The following INPP4B variants were observed in gnomAD, a reference collection of about 807,000 sequenced individuals.
INPP4B encodes inositol polyphosphate-4-phosphatase type II B, also known as inositol polyphosphate 4-phosphatase type II.
Under a neutral mutation model 122.5 loss-of-function variants are expected in INPP4B, and 55 were observed. The ratio of observed to expected loss-of-function variants is 0.45; its 90% confidence interval spans 0.36 to 0.56. The LOEUF (loss-of-function observed/expected upper bound fraction) is 0.56, where lower values mean the gene tolerates loss of function less well. INPP4B is among the 20% of genes least tolerant of loss of function. The probability of loss-of-function intolerance (pLI) is 0.00; values close to 1 mark genes in which losing one functional copy is unlikely to be tolerated. For synonymous variants in INPP4B, 403 were observed against 388.7 expected, an observed-to-expected ratio of 1.04 and a Z score of -0.43; for missense variants, 1,000 against 1,097.7, an observed-to-expected ratio of 0.91 and a Z score of 1.26.
intron 23 of INPP4B, among the ~76,000 whole-genome samples, chr4:142,098,167 GCCACTAAAAAGT>G (rs1561109357): frequency 6.6e-6 from 1 of 152,080 alleles, no homozygotes; most frequent in African/African-American, 2.4e-5. Flanking sequence ...AGGGCATAGA[GCCACTAAAAAGT>G]CCCAAGAAAC....
chr4:142,173,707 T>C lies in INPP4B; in HGVS notation c.1284A>G (p.Ala428=). The part of the protein sequence containing the change: ...NQLQPLIATH[A]DLLLNSASQH... ...GGCTTGCAGAATTAAGCAGTAGGTC[T>C]GCATGGGTTGCTATAAGAGGTTGTA... The change falls in exon 16 of 26, where the codon GCA becomes GCG. Residue 428 remains alanine, a synonymous_variant. Transcript: ENST00000262992. 1 of 1,613,372 alleles carries C rather than the reference T, an allele frequency of 6.2e-7. No individual in the cohort carries two copies. The highest frequency in any genetic ancestry group is 8.5e-7 in the Non-Finnish European group (1 of 1,179,504).
intron 12 of INPP4B, among the ~76,000 whole-genome samples, chr4:142,224,624 C>T (rs1246603371): frequency 3.9e-5 from 6 of 151,948 alleles, no homozygotes; most frequent in African/African-American, 1.4e-4. Flanking sequence ...TTTAAAGACT[C>T]TTATCGGCCA....
chr4:142,813,125 T>G (rs551400991), intron 1 of INPP4B, among the ~76,000 whole-genome samples: 1 of 152,294 alleles, frequency 6.6e-6, no homozygotes, highest in South Asian at 2.1e-4. Flanking sequence ...CTACATGAAC[T>G]CTTTCTAAAC....
intron 1 of INPP4B, among the ~76,000 whole-genome samples, chr4:142,751,739 A>T (rs767215876): frequency 2.8e-4 from 42 of 152,068 alleles, no homozygotes; most frequent in African/African-American, 9.9e-4. Context: ...CCAGTCAGTC[A>T]TCAGAGAACA....
rs139178409 is a variant in INPP4B at position 142,414,200 on chromosome 4, TA to T, written c.137-8877del. On this transcript the variant is annotated intron_variant, in intron 5 of 25. Transcript: ENST00000262992. ...AAATAAGCCCTGAAATAAAGTTTGT[TA>T]TTTTTTTTACCATCCTATAACACAA... Among the ~76,000 whole-genome samples, 822 of 152,302 alleles carry T rather than the reference TA, an allele frequency of 5.4e-3. 3 individuals are homozygous for T. Among genetic ancestry groups the T allele is most frequent in the African/African-American group, 0.019 (793 of 41,574 alleles).
At chr4:142,185,750 G>T (rs999980231) in intron 15 of INPP4B, among the ~76,000 whole-genome samples, 3 of 151,714 alleles carry the variant, frequency 2.0e-5, no homozygotes, top group African/African-American at 4.8e-5. Flanking sequence ...GTGGTGGCAG[G>T]TGCCTGTAGT....
chr4:142,125,999 A>T (rs903111722), intron 18 of INPP4B, among the ~76,000 whole-genome samples: 6 of 152,130 alleles, frequency 3.9e-5, no homozygotes, highest in African/African-American at 1.4e-4. Context: ...GAGGATGCAA[A>T]ATTGAGACCA....
At chr4:142,216,916 T>C (rs1218567572) in intron 12 of INPP4B, among the ~76,000 whole-genome samples, 2 of 152,168 alleles carry the variant, frequency 1.3e-5, no homozygotes, top group African/African-American at 2.4e-5. Flanking sequence ...GTGTAAAATA[T>C]TGGCCGGAAT....
At chr4:142,357,060 C>T (rs1026662016) in intron 7 of INPP4B, among the ~76,000 whole-genome samples, 3 of 151,952 alleles carry the variant, frequency 2.0e-5, no homozygotes, top group African/African-American at 7.2e-5. Context: ...CAGACCTTGC[C>T]CTATTTACCT....
At chr4:142,062,043 G>C (rs902818921) in intron 25 of INPP4B, among the ~76,000 whole-genome samples, 2 of 151,774 alleles carry the variant, frequency 1.3e-5, no homozygotes, top group Non-Finnish European at 1.5e-5. Context: ...AGTCTTGCAA[G>C]TATGCTAAAT....
At chr4:142,368,874 G>T (rs1322554977) in intron 7 of INPP4B, among the ~76,000 whole-genome samples, 1 of 152,014 alleles carries the variant, frequency 6.6e-6, no homozygotes, top group Non-Finnish European at 1.5e-5. Context: ...GGAAACACAG[G>T]ATTCCAAGTG....
At chr4:142,223,125 T>A (rs918611156) in intron 12 of INPP4B, among the ~76,000 whole-genome samples, 1 of 152,040 alleles carries the variant, frequency 6.6e-6, no homozygotes, top group Non-Finnish European at 1.5e-5. Flanking sequence ...GGCCATGTCA[T>A]ATAGCTATTA....
intron 2 of INPP4B, among the ~76,000 whole-genome samples, chr4:142,578,114 T>C (rs1458412919): frequency 6.6e-6 from 1 of 151,878 alleles, no homozygotes; most frequent in Non-Finnish European, 1.5e-5. Context: ...TCTGAGAAGT[T>C]TGTCTGCCAT....
chr4:142,612,624 G>A (rs972733128), intron 2 of INPP4B, among the ~76,000 whole-genome samples: 1 of 152,128 alleles, frequency 6.6e-6, no homozygotes, highest in African/African-American at 2.4e-5. Flanking sequence ...ATTTTTAAAA[G>A]TAATGGCAAA....
intron 15 of INPP4B, among the ~76,000 whole-genome samples, chr4:142,182,867 G>A (rs1831508212): frequency 6.6e-6 from 1 of 152,042 alleles, no homozygotes; most frequent in East Asian, 1.9e-4. Flanking sequence ...TTTCCCTCAT[G>A]CAACTATTAT....
rs979401152 is a variant in INPP4B, at chr4:142,026,760, C to T, written c.*2022G>A. The T allele has an allele frequency of 6.6e-6, 1 of 152,164 alleles. No homozygotes were observed. The highest frequency in any genetic ancestry group is 2.4e-5 in the African/African-American group (1 of 41,442). 9.4% of individuals were successfully genotyped at this position (152,164 alleles called of 1,614,324 possible). On this transcript the variant is annotated 3_prime_UTR_variant, in exon 26 of 26. Transcript: ENST00000262992. ...GGATTACAGGAAATCCTTGAAATGT[C>T]TTTTAAAAATAGAAAACCCTACTGC...
chr4:142,740,831 G>C (rs1047160344), intron 1 of INPP4B, among the ~76,000 whole-genome samples: 1 of 151,974 alleles, frequency 6.6e-6, no homozygotes, highest in East Asian at 1.9e-4. Flanking sequence ...GTTTTCTACA[G>C]TTTATAAGTC....
At chr4:142,483,365 C>T (rs1231712239) in intron 2 of INPP4B, among the ~76,000 whole-genome samples, 1 of 151,858 alleles carries the variant, frequency 6.6e-6, no homozygotes, top group Admixed American at 6.6e-5. Context: ...GTAATAGTGG[C>T]AACCAGTTTA....
chr4:142,437,514 G>A lies in INPP4B; in HGVS notation c.-126-6129C>T, dbSNP rs556938396. Among the ~76,000 whole-genome samples the A allele has an allele frequency of 3.9e-5, 6 of 152,082 alleles. No homozygotes were observed. The South Asian group carries it at 1.0e-3, about 26-fold the overall frequency. The stretch of plus-strand genomic sequence containing the variant: ...ATATTAAGGGCAGCCAAAAAGAAAG[G>A]CCAGGTCACCTACAAAAGGAAGCCC... On this transcript the variant is annotated intron_variant, in intron 3 of 25. Transcript: ENST00000262992.
Sources: allele counts gnomAD v4.1 joint callset (sites outside exome capture counted in the v4.1 genomes callset), GRCh38; gene constraint gnomAD v4.1.1; transcripts MANE v1.5; gene names NCBI Gene and HGNC (gene_info 2026-07-23, HGNC 2026-07-21).